Variants in RALYL observed in about 807,000 individuals in gnomAD.
RALYL encodes the protein RNA-binding Raly-like protein.
Under a neutral mutation model 35.1 loss-of-function variants are expected in RALYL, and 29 were observed. That is an observed-to-expected ratio of 0.83 (90% confidence interval 0.61 to 1.13). RALYL has a LOEUF of 1.13. Ranked by LOEUF, RALYL falls within the 50% of genes most tolerant of loss-of-function variation. The probability of loss-of-function intolerance (pLI) is 0.00; values close to 1 mark genes in which losing one functional copy is unlikely to be tolerated. For missense variants in RALYL, 359 were observed against 360.4 expected (o/e 1.00, Z 0.03); for synonymous variants, 120 against 127.6 (o/e 0.94, Z 0.40).
chr8:84,738,922 T>C (rs1202758595), intron 2 of RALYL, among the ~76,000 whole-genome samples: 1 of 152,026 alleles, frequency 6.6e-6, no homozygotes, highest in East Asian at 1.9e-4. Context: ...AAATTAAATA[T>C]GTATTCCTAA....
At chr8:84,376,633 T>C (rs1370566255) in intron 1 of RALYL, among the ~76,000 whole-genome samples, 1 of 151,842 alleles carries the variant, frequency 6.6e-6, no homozygotes, top group African/African-American at 2.4e-5. Flanking sequence ...ATTTGATTAC[T>C]AGATGGAACA....
intron 2 of RALYL, among the ~76,000 whole-genome samples, chr8:84,554,790 G>A (rs1299957711): frequency 6.6e-6 from 1 of 152,114 alleles, no homozygotes; most frequent in African/African-American, 2.4e-5. Flanking sequence ...ATAAATGCAA[G>A]TAAATAAAAT....
intron 1 of RALYL, among the ~76,000 whole-genome samples, chr8:84,186,768 T>C (rs191407501): frequency 6.6e-6 from 1 of 152,310 alleles, no homozygotes; most frequent in African/African-American, 2.4e-5. Context: ...AGATTCATTT[T>C]TAATTATATT....
intron 2 of RALYL, among the ~76,000 whole-genome samples, chr8:84,712,328 AC>A (rs1012922368): frequency 5.3e-5 from 8 of 152,006 alleles, no homozygotes; most frequent in Admixed American, 4.6e-4. Context: ...GACTGATAAC[AC>A]CCCGATACAG....
chr8:84,460,405 G>A lies in RALYL; in HGVS notation c.-23-68894G>A, dbSNP rs148014955. On this transcript the variant is annotated intron_variant, in intron 1 of 8. Coordinates refer to ENST00000521268, the MANE Select transcript of RALYL (RefSeq NM_173848.7). ...AGGGTATTTTGTTGCTGCATTGTTCGTAAGAGTAAAATGCCCATCATAGAG... is the reference window on the plus strand; with the variant it reads ...AGGGTATTTTGTTGCTGCATTGTTCATAAGAGTAAAATGCCCATCATAGAG... Among the ~76,000 whole-genome samples, 392 of 151,784 alleles carry A rather than the reference G, an allele frequency of 2.6e-3. 1 individual carries two copies. The highest frequency in any genetic ancestry group is 8.9e-3 in the African/African-American group (371 of 41,478).
At chr8:84,681,068 T>C (rs1302373860) in intron 2 of RALYL, among the ~76,000 whole-genome samples, 1 of 151,134 alleles carries the variant, frequency 6.6e-6, no homozygotes, top group Non-Finnish European at 1.5e-5. Flanking sequence ...TTTCTACATA[T>C]GGCTAGCCAG....
Position 84,921,345 on chromosome 8 carries a change from C to T in RALYL, c.*434C>T, listed in dbSNP as rs1197406450. 6.5e-6 allele frequency: 1 copy of T among 152,782 alleles called. No homozygotes were observed. Among genetic ancestry groups the T allele is most frequent in the Non-Finnish European group, 1.5e-5 (1 of 68,488 alleles). 9.5% of individuals were successfully genotyped at this position (152,782 alleles called of 1,614,324 possible). ...CAATGTCATGTAAGAAAAGATGCAT[C>T]TTATGCTAGTTTTTATAATTTATTT... On this transcript the variant is annotated 3_prime_UTR_variant, in exon 9 of 9. Transcript: ENST00000521268.
At chr8:84,272,478 G>A (rs1401333035) in intron 1 of RALYL, among the ~76,000 whole-genome samples, 1 of 152,166 alleles carries the variant, frequency 6.6e-6, no homozygotes, top group Non-Finnish European at 1.5e-5. Flanking sequence ...GCTGCTACCT[G>A]CAAGATTTCA....
chr8:84,358,175 C>A (rs534174224), intron 1 of RALYL, among the ~76,000 whole-genome samples: 4 of 151,898 alleles, frequency 2.6e-5, no homozygotes, highest in African/African-American at 7.2e-5. Flanking sequence ...ATATTTTATT[C>A]ATTGTTTTTT....
chr8:84,268,326 C>A (rs891683241), intron 1 of RALYL, among the ~76,000 whole-genome samples: 1 of 152,152 alleles, frequency 6.6e-6, no homozygotes. Flanking sequence ...CTGACTTCTG[C>A]CCTTTTCAGT....
chr8:84,362,833 T>C (rs1289083163), intron 1 of RALYL, among the ~76,000 whole-genome samples: 1 of 152,148 alleles, frequency 6.6e-6, no homozygotes, highest in Non-Finnish European at 1.5e-5. Flanking sequence ...TTGAAGGCTT[T>C]CTTATTTAAA....
At chr8:84,894,149 GTCTT>G (rs1048873067) in intron 8 of RALYL, among the ~76,000 whole-genome samples, 48 of 152,194 alleles carry the variant, frequency 3.2e-4, no homozygotes, top group African/African-American at 1.1e-3. Context: ...AGTATTCTTG[GTCTT>G]TCTTTATAAG....
At chr8:84,719,244 A>G (rs1843449577) in intron 2 of RALYL, among the ~76,000 whole-genome samples, 1 of 152,186 alleles carries the variant, frequency 6.6e-6, no homozygotes, top group Non-Finnish European at 1.5e-5. Flanking sequence ...GCCCTCAATT[A>G]ATAGACGTTG....
At chr8:84,574,915 A>C (rs140546096) in intron 2 of RALYL, among the ~76,000 whole-genome samples, 3 of 152,138 alleles carry the variant, frequency 2.0e-5, no homozygotes, top group Non-Finnish European at 4.4e-5. Flanking sequence ...AATTTTTAAA[A>C]ATAGTTGTTT....
chr8:84,594,864 A>G (rs142815214), intron 2 of RALYL, among the ~76,000 whole-genome samples: 20 of 152,246 alleles, frequency 1.3e-4, no homozygotes, highest in East Asian at 9.6e-4. Context: ...AACCTTTTCC[A>G]TTTAGAAAAT....
At chr8:84,346,881 G>A (rs76690686) in intron 1 of RALYL, among the ~76,000 whole-genome samples, 1 of 152,004 alleles carries the variant, frequency 6.6e-6, no homozygotes, top group African/African-American at 2.4e-5. Context: ...ATAAGGAATT[G>A]ATATTTATAA....
intron 1 of RALYL, among the ~76,000 whole-genome samples, chr8:84,218,432 C>T (rs1821359470): frequency 6.6e-6 from 1 of 152,026 alleles, no homozygotes; most frequent in Non-Finnish European, 1.5e-5. Flanking sequence ...TCAACTGTGA[C>T]ATGCCTTCAA....
At chr8:84,837,078 G>A (rs1832172488) in intron 4 of RALYL, among the ~76,000 whole-genome samples, 2 of 152,220 alleles carry the variant, frequency 1.3e-5, no homozygotes, top group Middle Eastern at 3.4e-3. Flanking sequence ...AGCCGTGTTT[G>A]ATCCCTGTGT....
At chr8:84,808,611 C>T (rs540834142) in intron 4 of RALYL, among the ~76,000 whole-genome samples, 1 of 152,254 alleles carries the variant, frequency 6.6e-6, no homozygotes, top group East Asian at 1.9e-4. Context: ...GTCATTTTCA[C>T]AATATTGATT....
Sources: allele counts gnomAD v4.1 joint callset (sites outside exome capture counted in the v4.1 genomes callset), GRCh38; gene constraint gnomAD v4.1.1; transcripts MANE v1.5; gene names NCBI Gene and HGNC (gene_info 2026-07-23, HGNC 2026-07-21).